Variants in RFX7 observed in about 807,000 individuals in gnomAD.
The protein encoded by RFX7 is DNA-binding protein RFX7.
In RFX7, 26 loss-of-function variants were observed where a neutral mutation model predicts 111.8. The ratio of observed to expected loss-of-function variants is 0.23; its 90% CI spans 0.17 to 0.32. The LOEUF (loss-of-function observed/expected upper bound fraction) is 0.32. RFX7 is among the 10% of genes least tolerant of loss of function. The probability of loss-of-function intolerance (pLI) is 1.00; values close to 1 mark genes in which losing one functional copy is unlikely to be tolerated. For synonymous variants in RFX7, 624 were observed against 624.4 expected, an observed-to-expected ratio of 1.00 and a Z score of 0.01; for missense variants, 1,573 against 1,772.9, an observed-to-expected ratio of 0.89 and a Z score of 2.02.
chr15:56,172,445 T>C (rs2042855519), intron 3 of RFX7, among the ~76,000 whole-genome samples: 2 of 151,790 alleles, frequency 1.3e-5, no homozygotes, highest in South Asian at 4.2e-4. Context: ...AATAAGAAAA[T>C]AAAGAAGTAG....
intron 2 of RFX7, among the ~76,000 whole-genome samples, chr15:56,208,108 A>C (rs376494589): frequency 2.6e-5 from 4 of 152,010 alleles, no homozygotes; most frequent in African/African-American, 9.7e-5. Flanking sequence ...TTTAAGAAAA[A>C]CCTCCTCTGA....
chr15:56,231,685 C>A (rs1317281177), intron 2 of RFX7, among the ~76,000 whole-genome samples: 1 of 152,166 alleles, frequency 6.6e-6, no homozygotes, highest in African/African-American at 2.4e-5. Context: ...GCCTTCCCAA[C>A]AGTCCCTCAA....
At chr15:56,165,126 T>G (rs188406609) in intron 3 of RFX7, among the ~76,000 whole-genome samples, 1 of 152,156 alleles carries the variant, frequency 6.6e-6, no homozygotes, top group Non-Finnish European at 1.5e-5. Flanking sequence ...TGTGCTCCTA[T>G]AAGAATCTAA....
At chr15:56,152,186 C>T (rs1454734261) in intron 3 of RFX7, among the ~76,000 whole-genome samples, 7 of 152,172 alleles carry the variant, frequency 4.6e-5, no homozygotes, top group Admixed American at 2.6e-4. Context: ...TTGAACTCGG[C>T]TCTGGACCAA....
At chr15:56,186,660 T>A (rs77546433) in intron 2 of RFX7, among the ~76,000 whole-genome samples, 143 of 152,178 alleles carry the variant, frequency 9.4e-4, no homozygotes, top group African/African-American at 3.3e-3. Context: ...ATGTATAATA[T>A]ACACACATAT....
intron 2 of RFX7, among the ~76,000 whole-genome samples, chr15:56,208,529 T>G (rs1200169618): frequency 6.6e-6 from 1 of 152,112 alleles, no homozygotes; most frequent in Non-Finnish European, 1.5e-5. Flanking sequence ...TATAAGGCAG[T>G]AAAAGGCAAA....
At chr15:56,142,189 C>A (rs1299363680) in intron 5 of RFX7, among the ~76,000 whole-genome samples, 2 of 152,012 alleles carry the variant, frequency 1.3e-5, no homozygotes, top group East Asian at 3.9e-4. Flanking sequence ...ACCTATTAAC[C>A]TTTTTCTAAC....
Position 56,088,692 on chromosome 15 carries a change from C to T in RFX7, c.*4653G>A, listed in dbSNP as rs1018747368. ...CAATGCATGTCAAAATAAATCTGTA[C>T]TTCAGATTTAACAAAATAAAAAGTT... On this transcript the variant is annotated 3_prime_UTR_variant, in exon 10 of 10. Coordinates refer to ENST00000559447, the MANE Select transcript of RFX7 (RefSeq NM_022841.7). 2 of 152,046 alleles carry T rather than the reference C, an allele frequency of 1.3e-5. No individual in the cohort carries two copies. Among genetic ancestry groups the T allele is most frequent in the African/African-American group, 4.8e-5 (2 of 41,422 alleles). 9.4% of individuals were successfully genotyped at this position (152,046 alleles called of 1,614,324 possible). A position where few individuals can be genotyped will look rare whatever the true frequency, so the allele number is the denominator to read the frequency against.
In RFX7 at chr15:56,095,568, T is replaced by C; in HGVS notation, c.2160A>G (p.Val720=). 1 of 1,613,980 alleles carries C rather than the reference T, an allele frequency of 6.2e-7. No homozygotes were observed. The highest frequency in any genetic ancestry group is 8.5e-7 in the Non-Finnish European group (1 of 1,179,858). The change falls in exon 10 of 10, where the codon GTA becomes GTG. Residue 720 remains valine, a synonymous_variant. Transcript: ENST00000559447. ...AGAQIPSKVS[V]NVSSHIGANQ... ...TTGCTCCTATGTGTGAACTGACATT[T>C]ACTGATACCTTGCTAGGAATCTGAG...
rs1296562676 is a variant in RFX7 at position 56,243,606 on chromosome 15, T to A, written c.-164A>T. The A allele has an allele frequency of 3.2e-6, 1 of 314,666 alleles. No homozygotes were observed. The allele number at this position is 314,666 out of a possible 1,614,324, so 19.5% of individuals were successfully genotyped here. A position where few individuals can be genotyped will look rare whatever the true frequency, so the allele number is the denominator to read the frequency against. ...CTCCTCCCGTCAGCGGCCGGGGCTGTGGGGGGGTGAGATGGGGGCGTTTGA... is the reference window on the plus strand; with the variant it reads ...CTCCTCCCGTCAGCGGCCGGGGCTGAGGGGGGGTGAGATGGGGGCGTTTGA... On this transcript the variant is annotated 5_prime_UTR_variant, in exon 1 of 10. Transcript: ENST00000559447.
chr15:56,179,761 AACACAC>A (rs58597217), intron 2 of RFX7, among the ~76,000 whole-genome samples: 7,519 of 137,306 alleles, frequency 0.055, 333 homozygotes, highest in East Asian at 0.19. Flanking sequence ...TCTCTGTCTC[AACACAC>A]ACACACACAC....
At chr15:56,137,802 C>A (rs1395298182) in intron 5 of RFX7, among the ~76,000 whole-genome samples, 2 of 152,056 alleles carry the variant, frequency 1.3e-5, no homozygotes, top group Admixed American at 1.3e-4. Context: ...CCCAGAGATT[C>A]TGGTATGTTG....
At chr15:56,197,705 G>C (rs2043158211) in intron 2 of RFX7, among the ~76,000 whole-genome samples, 1 of 152,096 alleles carries the variant, frequency 6.6e-6, no homozygotes, top group Admixed American at 6.5e-5. Flanking sequence ...AGCAAAGTAG[G>C]GATAGGAGTG....
chr15:56,127,459 C>CTA (rs1313148304), intron 5 of RFX7, among the ~76,000 whole-genome samples: 1 of 149,104 alleles, frequency 6.7e-6, no homozygotes, highest in Admixed American at 6.7e-5. Flanking sequence ...CAGAAGAAGG[C>CTA]TATAATAAAG....
intron 3 of RFX7, among the ~76,000 whole-genome samples, chr15:56,146,870 G>C (rs1358537506): frequency 1.3e-5 from 2 of 152,110 alleles, no homozygotes; most frequent in Non-Finnish European, 2.9e-5. Context: ...CAAAAAAAAT[G>C]ACTCAAGTGT....
rs551973784 is a variant in RFX7, at chr15:56,114,167, G to A, written c.402-10497C>T. Among the ~76,000 whole-genome samples, 136 of 152,168 alleles carry A rather than the reference G, an allele frequency of 8.9e-4. 1 individual carries two copies. The South Asian group carries it at 9.3e-3, about 10-fold the overall frequency. ...TGCCTGTATTCCTAGCGCTCTGGGA[G>A]GCCGAGGTGGGCGACTGCCTGAGCT... On this transcript the variant is annotated intron_variant, in intron 5 of 9. Transcript: ENST00000559447.
At chr15:56,239,146 A>C (rs775083465) in intron 2 of RFX7, among the ~76,000 whole-genome samples, 4 of 151,684 alleles carry the variant, frequency 2.6e-5, no homozygotes, top group Non-Finnish European at 4.4e-5. Flanking sequence ...CCTCCAATTT[A>C]TTATTTTGGA....
rs538964211 is a variant in RFX7 at position 56,118,096 on chromosome 15, G to A, written c.402-14426C>T. On this transcript the variant is annotated intron_variant, in intron 5 of 9. Transcript: ENST00000559447. Reference sequence around the variant, plus strand: ...AGGTATATATATATATGGGGTATATGGGATACTCTGATATAGGCATACAAT... The same window carrying A: ...AGGTATATATATATATGGGGTATATAGGATACTCTGATATAGGCATACAAT... Among the ~76,000 whole-genome samples the A allele has an allele frequency of 2.0e-5, 3 of 151,984 alleles. No individual in the cohort carries two copies. In the East Asian group the frequency reaches 5.8e-4, roughly 29 times the overall value.
chr15:56,100,303 T>C (rs571103623), intron 8 of RFX7, among the ~76,000 whole-genome samples: 109 of 152,338 alleles, frequency 7.2e-4, no homozygotes, highest in Non-Finnish European at 3.8e-4. Context: ...ATTCTCCTGC[T>C]GGTCAGTACA....
Sources: allele counts gnomAD v4.1 joint callset (sites outside exome capture counted in the v4.1 genomes callset), GRCh38; gene constraint gnomAD v4.1.1; transcripts MANE v1.5; gene names NCBI Gene and HGNC (gene_info 2026-07-23, HGNC 2026-07-21).